Variants in RPS6KA5 observed in about 807,000 individuals in gnomAD.
The protein encoded by RPS6KA5 is ribosomal protein S6 kinase alpha-5.
RPS6KA5 carries 27 observed loss-of-function variants against 85.5 expected under a neutral mutation model. That is an observed-to-expected ratio of 0.32 (90% CI 0.23 to 0.44). The LOEUF (loss-of-function observed/expected upper bound fraction) is 0.44. Among genes scored for constraint, RPS6KA5 ranks in the 20% least tolerant of loss-of-function variants. The probability of loss-of-function intolerance (pLI) is 1.00; values close to 1 mark genes in which losing one functional copy is unlikely to be tolerated. For synonymous variants in RPS6KA5, 334 were observed against 348.2 expected, an observed-to-expected ratio of 0.96 and a Z score of 0.46; for missense variants, 811 against 980.9, an observed-to-expected ratio of 0.83 and a Z score of 2.31.
At chr14:90,966,641 T>C (rs2039076729) in intron 3 of RPS6KA5, among the ~76,000 whole-genome samples, 2 of 152,202 alleles carry the variant, frequency 1.3e-5, no homozygotes, top group Non-Finnish European at 2.9e-5. Context: ...AAAGTCAAGT[T>C]GGGATCTGGC....
chr14:90,906,285 C>A lies in RPS6KA5; in HGVS notation c.821G>T (p.Ser274Ile). 1.2e-6 allele frequency: 2 copies of A among 1,602,052 alleles called. No homozygotes were observed. Among genetic ancestry groups the A allele is most frequent in the Non-Finnish European group, 1.7e-6 (2 of 1,172,136 alleles). The change falls in exon 8 of 17, where the codon AGT (serine) becomes ATT (isoleucine). Residue 274 changes from serine to isoleucine, a missense_variant. Transcript: ENST00000614987. The part of the protein sequence containing the change: ...QAEISRRILK[S>I]EPPYPQEMSA... ...CATTTCTTGGGGATATGGAGGCTCA[C>A]TTTTTAATATTCTCCTGTAGGCAGA...
chr14:91,052,882 C>G (rs1434942295), intron 1 of RPS6KA5, among the ~76,000 whole-genome samples: 1 of 146,008 alleles, frequency 6.8e-6, no homozygotes, highest in Non-Finnish European at 1.5e-5. Context: ...AGAACTCAAT[C>G]AAGAATATTT....
chr14:90,900,135 G>A lies in RPS6KA5; in HGVS notation c.1352C>T (p.Ala451Val). ...RKCVHKKSNQ[A>V]FAVKIISKRM... ...TTTGCTGATTATTTTGACTGCAAAA[G>A]CTTGGTTACTTTTTTTATGCACACA... Residue 451 changes from alanine to valine, a missense_variant, in exon 11 of 17, where the codon GCT (alanine) becomes GTT (valine). Ala to Val is a moderately conservative substitution (Grantham distance 64, BLOSUM62 0). Around this residue, in one of 3 missense-constraint regions of RPS6KA5, gnomAD observed 650 missense variants for 793.4 expected, o/e 0.82. Coordinates refer to ENST00000614987, the MANE Select transcript of RPS6KA5 (RefSeq NM_004755.4). 6.2e-7 allele frequency: 1 copy of A among 1,601,956 alleles called. No homozygotes were observed.
At chr14:91,051,388 G>A (rs1242325452) in intron 1 of RPS6KA5, among the ~76,000 whole-genome samples, 1 of 152,092 alleles carries the variant, frequency 6.6e-6, no homozygotes, top group Non-Finnish European at 1.5e-5. Flanking sequence ...AGACCAGCCT[G>A]GGCAACATAG....
At chr14:90,881,450 C>A (rs2033830435) in intron 14 of RPS6KA5, among the ~76,000 whole-genome samples, 1 of 132,830 alleles carries the variant, frequency 7.5e-6, no homozygotes. Context: ...AAGACTCTGT[C>A]TCAAAAAAAA....
At chr14:90,966,310 G>A (rs1166006480) in intron 3 of RPS6KA5, among the ~76,000 whole-genome samples, 1 of 152,074 alleles carries the variant, frequency 6.6e-6, no homozygotes, top group Non-Finnish European at 1.5e-5. Flanking sequence ...CTGTGACAGG[G>A]GCTGCTAGAG....
intron 1 of RPS6KA5, among the ~76,000 whole-genome samples, chr14:91,035,510 C>G (rs536700921): frequency 6.6e-6 from 1 of 152,010 alleles, no homozygotes; most frequent in Non-Finnish European, 1.5e-5. Context: ...AGCCAGGAAA[C>G]AGGTGTGATG....
chr14:90,894,058 T>C (rs2034699848), intron 13 of RPS6KA5: 4 of 947,570 alleles, frequency 4.2e-6, no homozygotes, highest in Non-Finnish European at 5.0e-6. Flanking sequence ...AAATACATCA[T>C]TTGGAAAAAA....
Position 90,850,463 on chromosome 14 carries a change from C to CAAAAAAAAAAA in RPS6KA5, c.*21600_*21610dup, listed in dbSNP as rs5810522. 1 of 129,040 alleles carries CAAAAAAAAAAA rather than the reference C, an allele frequency of 7.7e-6. No individual in the cohort carries two copies. The highest frequency in any genetic ancestry group is 2.8e-5 in the African/African-American group (1 of 35,334). The allele number at this position is 129,040 out of a possible 1,614,324, so 8.0% of individuals were successfully genotyped here. On this transcript the variant is annotated 3_prime_UTR_variant, in exon 17 of 17. Transcript: ENST00000614987. The stretch of plus-strand genomic sequence containing the variant: ...AACCTAATCAATGTGGGAAACCATA[C>CAAAAAAAAAAA]AAAAAAAAAAAAAAAAAACAGAAAA...
At position 90,865,182 on chromosome 14, in the gene RPS6KA5, C is replaced by CGTGT. The variant is rs1477262636; in HGVS notation, c.*6888_*6891dup. On this transcript the variant is annotated 3_prime_UTR_variant, in exon 17 of 17. Coordinates refer to ENST00000614987, the MANE Select transcript of RPS6KA5 (RefSeq NM_004755.4). Reference sequence around the variant, plus strand: ...TGGACACACAAGAGAAATGAGTGTACGTGTCCATTAAAATATATGCACAAG... The same window carrying CGTGT: ...TGGACACACAAGAGAAATGAGTGTACGTGTGTGTCCATTAAAATATATGCACAAG... 1 of 152,134 alleles carries CGTGT rather than the reference C, an allele frequency of 6.6e-6. No homozygotes were observed. The highest frequency in any genetic ancestry group is 1.5e-5 in the Non-Finnish European group (1 of 68,026). 9.4% of individuals were successfully genotyped at this position (152,134 alleles called of 1,614,324 possible). A position where few individuals can be genotyped will look rare whatever the true frequency, so the allele number is the denominator to read the frequency against.
chr14:91,032,156 C>T (rs1470305097), intron 1 of RPS6KA5, among the ~76,000 whole-genome samples: 1 of 152,028 alleles, frequency 6.6e-6, no homozygotes, highest in Non-Finnish European at 1.5e-5. Flanking sequence ...TACCATGTGA[C>T]CAAAAATTCA....
chr14:90,853,159 C>CT lies in RPS6KA5; in HGVS notation c.*18914dup, dbSNP rs1018882851. The stretch of plus-strand genomic sequence containing the variant: ...CACTATAAAAAAAATTGTTATGATG[C>CT]TTTACTTAATTTGCCCATTTCTCAA... On this transcript the variant is annotated 3_prime_UTR_variant, in exon 17 of 17. Coordinates refer to ENST00000614987, the MANE Select transcript of RPS6KA5 (RefSeq NM_004755.4). 1.3e-5 allele frequency: 2 copies of CT among 152,096 alleles called. No individual in the cohort carries two copies. The highest frequency in any genetic ancestry group is 4.8e-5 in the African/African-American group (2 of 41,410). The allele number at this position is 152,096 out of a possible 1,614,324, so 9.4% of individuals were successfully genotyped here.
chr14:90,938,268 TC>T (rs573124807), intron 5 of RPS6KA5, among the ~76,000 whole-genome samples: 90 of 152,338 alleles, frequency 5.9e-4, no homozygotes, highest in South Asian at 4.6e-3. Context: ...AGAGGTAGGC[TC>T]CCATAGCCTT....
At chr14:91,045,252 T>C (rs1270126085) in intron 1 of RPS6KA5, among the ~76,000 whole-genome samples, 1 of 150,832 alleles carries the variant, frequency 6.6e-6, no homozygotes, top group Non-Finnish European at 1.5e-5. Context: ...TACCAAGTTC[T>C]GCTGATTCTT....
chr14:90,948,283 T>C (rs1475322297), intron 3 of RPS6KA5, among the ~76,000 whole-genome samples: 2 of 152,238 alleles, frequency 1.3e-5, no homozygotes, highest in Non-Finnish European at 2.9e-5. Context: ...GCAGAACTTA[T>C]TTATCATTCA....
rs748540299 is a variant in RPS6KA5, at chr14:90,875,232, A to G, written c.1965T>C (p.Asn655=). The G allele has an allele frequency of 6.2e-7, 1 of 1,613,866 alleles. No individual in the cohort carries two copies. The highest frequency in any genetic ancestry group is 1.1e-5 in the South Asian group (1 of 91,066). Residue 655 remains asparagine, a synonymous_variant, in exon 15 of 17, where the codon AAT becomes AAC. Coordinates refer to ENST00000614987, the MANE Select transcript of RPS6KA5 (RefSeq NM_004755.4). ...TCAAATCTTTAGCCTCTTGGGATAC[A>G]TTCTTCCAGGCTTCTCCTTCAAAGG... ...DFSFEGEAWK[N]VSQEAKDLIQ... is the part of the protein sequence containing the mutation.
intron 1 of RPS6KA5, among the ~76,000 whole-genome samples, chr14:91,043,817 C>A (rs1279619823): frequency 6.6e-6 from 1 of 152,174 alleles, no homozygotes; most frequent in Non-Finnish European, 1.5e-5. Flanking sequence ...ATGACCCTAG[C>A]CTTTGTATAA....
At chr14:90,887,845 C>T (rs1051666368) in intron 14 of RPS6KA5, among the ~76,000 whole-genome samples, 1 of 149,190 alleles carries the variant, frequency 6.7e-6, no homozygotes, top group Non-Finnish European at 1.5e-5. Context: ...GCCTGTGGTC[C>T]CAGCTACTCA....
rs74586063 is a variant in RPS6KA5, at chr14:90,985,954, A to T, written c.176-7430T>A. Reference sequence around the variant, plus strand: ...TGAAAGGACTAGATAAAAGCAAAACACTTTAAAGAAAGGAACTGCTGAAAA... The same window carrying T: ...TGAAAGGACTAGATAAAAGCAAAACTCTTTAAAGAAAGGAACTGCTGAAAA... On this transcript the variant is annotated intron_variant, in intron 2 of 16. Coordinates refer to ENST00000614987, the MANE Select transcript of RPS6KA5 (RefSeq NM_004755.4). Among the ~76,000 whole-genome samples, 87 of 152,344 alleles carry T rather than the reference A, an allele frequency of 5.7e-4. No homozygotes were observed. The East Asian group carries it at 0.01, about 18-fold the overall frequency.
Sources: allele counts gnomAD v4.1 joint callset (sites outside exome capture counted in the v4.1 genomes callset), GRCh38; gene constraint gnomAD v4.1.1; regional missense constraint gnomAD v4.1.1; transcripts MANE v1.5; gene names NCBI Gene and HGNC (gene_info 2026-07-23, HGNC 2026-07-21).